The following GRIK2 variants were observed in gnomAD, a reference collection of about 807,000 sequenced individuals.
GRIK2 encodes the protein glutamate receptor ionotropic, kainate 2.
In GRIK2, 32 loss-of-function variants were observed where a neutral mutation model predicts 100.3. The observed-to-expected ratio is 0.32, with a 90% CI of 0.24 to 0.43. The LOEUF (loss-of-function observed/expected upper bound fraction) is 0.43. Ranked by LOEUF, GRIK2 falls within the 20% of genes least tolerant of loss-of-function variation. The pLI is 1.00. For missense variants in GRIK2, 843 were observed against 1,114.9 expected (o/e 0.76, Z 3.47); for synonymous variants, 417 against 389.4 (o/e 1.07, Z -0.83).
intron 2 of GRIK2, among the ~76,000 whole-genome samples, chr6:101,493,546 C>G (rs933794062): frequency 6.6e-6 from 1 of 151,890 alleles, no homozygotes; most frequent in African/African-American, 2.4e-5. Context: ...TAGAAACATT[C>G]TCAGACCACA....
At chr6:101,512,935 A>G (rs931697523) in intron 2 of GRIK2, among the ~76,000 whole-genome samples, 1 of 151,796 alleles carries the variant, frequency 6.6e-6, no homozygotes, top group Non-Finnish European at 1.5e-5. Flanking sequence ...TACTACTACT[A>G]TTTTCTTGCT....
intron 2 of GRIK2, among the ~76,000 whole-genome samples, chr6:101,463,839 A>C (rs1243370189): frequency 6.6e-6 from 1 of 152,142 alleles, no homozygotes; most frequent in East Asian, 1.9e-4. Flanking sequence ...GGTAATTAAA[A>C]AAAAAAAAAT....
intron 2 of GRIK2, among the ~76,000 whole-genome samples, chr6:101,555,561 CATCTAAAATTTT>C (rs1364845236): frequency 3.9e-5 from 6 of 152,118 alleles, no homozygotes; most frequent in Non-Finnish European, 8.8e-5. Context: ...TTAAAAATTT[CATCTAAAATTTT>C]ATGTAATAGT....
At chr6:101,791,997 A>C (rs942107104) in intron 7 of GRIK2, among the ~76,000 whole-genome samples, 1 of 151,930 alleles carries the variant, frequency 6.6e-6, no homozygotes. Context: ...TTGTTGGTTT[A>C]AAGTCTGTTT....
chr6:101,690,429 G>T (rs1259742862), intron 7 of GRIK2, among the ~76,000 whole-genome samples: 1 of 152,028 alleles, frequency 6.6e-6, no homozygotes, highest in Non-Finnish European at 1.5e-5. Flanking sequence ...CAATTTTACT[G>T]TATCAATATT....
At chr6:102,006,073 AG>A (rs1262072191) in intron 14 of GRIK2, among the ~76,000 whole-genome samples, 1 of 152,030 alleles carries the variant, frequency 6.6e-6, no homozygotes, top group Non-Finnish European at 1.5e-5. Flanking sequence ...TCCAAATACA[AG>A]CACATTCTCA....
At chr6:102,006,082 T>C (rs1222896052) in intron 14 of GRIK2, among the ~76,000 whole-genome samples, 2 of 151,962 alleles carry the variant, frequency 1.3e-5, no homozygotes, top group Non-Finnish European at 2.9e-5. Flanking sequence ...AAGCACATTC[T>C]CAGGTATTGA....
intron 7 of GRIK2, among the ~76,000 whole-genome samples, chr6:101,711,940 C>T (rs1773725960): frequency 6.6e-6 from 1 of 151,666 alleles, no homozygotes; most frequent in Non-Finnish European, 1.5e-5. Flanking sequence ...CTGTTTCTAT[C>T]AATATTCCTA....
chr6:101,731,029 A>C (rs1775231021), intron 7 of GRIK2, among the ~76,000 whole-genome samples: 2 of 152,048 alleles, frequency 1.3e-5, no homozygotes, highest in South Asian at 4.1e-4. Flanking sequence ...ATTGATTACT[A>C]TTCATAGTTC....
At chr6:101,873,246 TC>T (rs1032999546) in intron 11 of GRIK2, among the ~76,000 whole-genome samples, 1 of 61,330 alleles carries the variant, frequency 1.6e-5, no homozygotes, top group African/African-American at 6.6e-5. Flanking sequence ...CCCTCCCCCC[TC>T]CCCCCACCCC....
intron 15 of GRIK2, among the ~76,000 whole-genome samples, chr6:102,037,932 A>C (rs191686452): frequency 3.3e-5 from 5 of 151,478 alleles, no homozygotes; most frequent in African/African-American, 1.2e-4. Flanking sequence ...TTTTCCTAGG[A>C]AAAATCATAT....
chr6:102,024,915 CAT>C (rs1289137804), intron 14 of GRIK2, among the ~76,000 whole-genome samples: 2 of 149,110 alleles, frequency 1.3e-5, no homozygotes, highest in Non-Finnish European at 3.0e-5. Context: ...TAAATTATCA[CAT>C]GTGCCATGAT....
chr6:101,876,263 A>G (rs189846932), intron 11 of GRIK2, among the ~76,000 whole-genome samples: 324 of 151,870 alleles, frequency 2.1e-3, no homozygotes, highest in Middle Eastern at 3.4e-3. Flanking sequence ...TTTCCTCCTT[A>G]TAATGTCTTT....
At chr6:101,479,062 C>T (rs983993079) in intron 2 of GRIK2, among the ~76,000 whole-genome samples, 2 of 152,054 alleles carry the variant, frequency 1.3e-5, no homozygotes, top group African/African-American at 4.8e-5. Context: ...TAGTCATGAA[C>T]CAGAAAGTTG....
chr6:101,671,647 T>A (rs1582931715), intron 4 of GRIK2, among the ~76,000 whole-genome samples: 1 of 152,056 alleles, frequency 6.6e-6, no homozygotes, highest in African/African-American at 2.4e-5. Flanking sequence ...GGGTGGATCG[T>A]GAGGTCAGGA....
At chr6:101,793,517 C>G (rs1780047337) in intron 7 of GRIK2, among the ~76,000 whole-genome samples, 1 of 152,164 alleles carries the variant, frequency 6.6e-6, no homozygotes, top group African/African-American at 2.4e-5. Context: ...GTCTGCAGAA[C>G]TGCAGATTTT....
chr6:101,628,186 GC>G (rs1780550366), intron 4 of GRIK2, among the ~76,000 whole-genome samples: 1 of 151,790 alleles, frequency 6.6e-6, no homozygotes, highest in Non-Finnish European at 1.5e-5. Flanking sequence ...GCAGAAATTT[GC>G]CCATTTGCCA....
At chr6:101,412,130 A>C in intron 2 of GRIK2, among the ~76,000 whole-genome samples, 1 of 151,900 alleles carries the variant, frequency 6.6e-6, no homozygotes, top group East Asian at 1.9e-4. Flanking sequence ...TCCCATCCCT[A>C]ATGCTCTGAT....
At chr6:101,845,599 T>C (rs1323694840) in intron 10 of GRIK2, among the ~76,000 whole-genome samples, 2 of 152,224 alleles carry the variant, frequency 1.3e-5, no homozygotes, top group African/African-American at 4.8e-5. Context: ...ATTTGGCTAT[T>C]GTGAAAAGTT....
Sources: allele counts gnomAD v4.1 joint callset (sites outside exome capture counted in the v4.1 genomes callset), GRCh38; gene constraint gnomAD v4.1.1; transcripts MANE v1.5; gene names NCBI Gene and HGNC (gene_info 2026-07-23, HGNC 2026-07-21).